The following KCNQ5 variants were observed in gnomAD, a reference collection of about 807,000 sequenced individuals.
The protein encoded by KCNQ5 is potassium voltage-gated channel subfamily Q member 5.
KCNQ5 carries 30 observed loss-of-function variants against 98.2 expected under a neutral mutation model. The ratio of observed to expected loss-of-function variants is 0.31; its 90% CI spans 0.23 to 0.41. KCNQ5 has a LOEUF of 0.41. Ranked by LOEUF, KCNQ5 falls within the 10% of genes least tolerant of loss-of-function variation. The pLI is 1.00. For synonymous variants in KCNQ5, 458 were observed against 449.4 expected (o/e 1.02, Z -0.24); for missense variants, 835 against 1,182.5 (o/e 0.71, Z 4.31).
chr6:73,153,102 C>A (rs1777220575), intron 10 of KCNQ5, among the ~76,000 whole-genome samples: 1 of 152,084 alleles, frequency 6.6e-6, no homozygotes, highest in Admixed American at 6.6e-5. Flanking sequence ...TTAGTTATCC[C>A]CTCTTTATGC....
intron 1 of KCNQ5, among the ~76,000 whole-genome samples, chr6:72,972,886 CATGTATTAGACTTCATTTTACCA>C (rs1294669264): frequency 6.6e-6 from 1 of 152,208 alleles, no homozygotes; most frequent in East Asian, 1.9e-4. Flanking sequence ...CTACACACAG[CATGTATTAGACTTCATTTTACCA>C]ATGAATAAAA....
At chr6:72,665,341 C>CAA (rs57257881) in intron 1 of KCNQ5, among the ~76,000 whole-genome samples, 58,195 of 112,574 alleles carry the variant, frequency 0.52, 15,244 homozygotes, top group Non-Finnish European at 0.63. Flanking sequence ...AATACCCTGT[C>CAA]AAAAAAAAAA....
intron 1 of KCNQ5, among the ~76,000 whole-genome samples, chr6:72,958,985 A>C (rs945166851): frequency 2.6e-5 from 4 of 152,220 alleles, no homozygotes; most frequent in African/African-American, 9.6e-5. Context: ...AGAGGTGTTT[A>C]TCTTTCTCTT....
chr6:72,915,880 A>C (rs1490577556), intron 1 of KCNQ5, among the ~76,000 whole-genome samples: 1 of 152,218 alleles, frequency 6.6e-6, no homozygotes, highest in Non-Finnish European at 1.5e-5. Flanking sequence ...TCTGGCTTGA[A>C]ATGTTAAGAT....
intron 1 of KCNQ5, among the ~76,000 whole-genome samples, chr6:72,989,638 T>A (rs1245806264): frequency 3.7e-3 from 1 of 270 alleles, no homozygotes; most frequent in Non-Finnish European, 6.0e-3. Context: ...TTTCTTTTGC[T>A]GTGCAGAAGC....
At chr6:73,111,264 G>C in intron 6 of KCNQ5, 44 bp from the exon 7 acceptor site, 2 of 1,339,916 alleles carry the variant, frequency 1.5e-6, no homozygotes, top group South Asian at 1.2e-5. Flanking sequence ...TTATTTAACA[G>C]TGCTTTTGAA....
At chr6:72,938,621 G>C (rs1247852969) in intron 1 of KCNQ5, among the ~76,000 whole-genome samples, 1 of 152,086 alleles carries the variant, frequency 6.6e-6, no homozygotes, top group African/African-American at 2.4e-5. Context: ...CTGACCTCAA[G>C]CAATCTCCCT....
intron 1 of KCNQ5, among the ~76,000 whole-genome samples, chr6:72,771,680 G>GTGTGTGTGTT (rs1425980148): frequency 1.3e-5 from 2 of 151,848 alleles, no homozygotes; most frequent in Admixed American, 1.3e-4. Flanking sequence ...GTGTGTGTGT[G>GTGTGTGTGTT]TGTGTATAAC....
At chr6:72,878,965 T>G (rs1355904277) in intron 1 of KCNQ5, among the ~76,000 whole-genome samples, 1 of 152,218 alleles carries the variant, frequency 6.6e-6, no homozygotes, top group Non-Finnish European at 1.5e-5. Context: ...TTTCTTTATA[T>G]AAATCATAAT....
intron 1 of KCNQ5, among the ~76,000 whole-genome samples, chr6:72,895,684 A>T (rs1159772240): frequency 3.4e-5 from 5 of 149,016 alleles, no homozygotes; most frequent in African/African-American, 9.8e-5. Flanking sequence ...AACATATATT[A>T]TATATATATA....
At chr6:72,739,154 G>A (rs769020315) in intron 1 of KCNQ5, among the ~76,000 whole-genome samples, 2 of 152,054 alleles carry the variant, frequency 1.3e-5, no homozygotes, top group Admixed American at 6.6e-5. Context: ...TGGAGCCACC[G>A]GGTATATGGG....
At chr6:72,812,129 G>C (rs970798133) in intron 1 of KCNQ5, among the ~76,000 whole-genome samples, 2 of 152,134 alleles carry the variant, frequency 1.3e-5, no homozygotes, top group African/African-American at 4.8e-5. Flanking sequence ...ATGACCAAAG[G>C]TCACTTTCAT....
intron 1 of KCNQ5, among the ~76,000 whole-genome samples, chr6:72,828,161 G>A (rs1562009189): frequency 1.3e-5 from 2 of 152,116 alleles, no homozygotes; most frequent in Non-Finnish European, 2.9e-5. Context: ...GACTGGTAGT[G>A]TGGTACCACC....
At chr6:72,933,656 A>T (rs952328509) in intron 1 of KCNQ5, among the ~76,000 whole-genome samples, 3 of 152,242 alleles carry the variant, frequency 2.0e-5, no homozygotes, top group African/African-American at 7.2e-5. Context: ...TCCTTAAAAA[A>T]TAAGTAAAAA....
chr6:73,166,265 T>C (rs1301638885), intron 10 of KCNQ5, among the ~76,000 whole-genome samples: 1 of 151,448 alleles, frequency 6.6e-6, no homozygotes, highest in East Asian at 2.0e-4. Flanking sequence ...ACCCCGACAC[T>C]ACTAAAAAAA....
chr6:72,636,733 A>G (rs963660097), intron 1 of KCNQ5, among the ~76,000 whole-genome samples: 2 of 152,242 alleles, frequency 1.3e-5, no homozygotes, highest in African/African-American at 2.4e-5. Flanking sequence ...GGCTTAACAT[A>G]AATAAGACAT....
intron 10 of KCNQ5, chr6:73,158,275 T>G (rs75531789): frequency 0.078 from 14,320 of 184,680 alleles, 781 homozygotes; most frequent in African/African-American, 0.087. Context: ...TTTTTTTTTT[T>G]TTTTTTTTGT....
chr6:72,819,857 T>C (rs1775673873), intron 1 of KCNQ5, among the ~76,000 whole-genome samples: 1 of 152,232 alleles, frequency 6.6e-6, no homozygotes, highest in African/African-American at 2.4e-5. Flanking sequence ...CAACAGCACC[T>C]ATTGCCACTT....
chr6:73,060,661 AC>A (rs1772738255), intron 3 of KCNQ5, among the ~76,000 whole-genome samples: 1 of 152,188 alleles, frequency 6.6e-6, no homozygotes, highest in South Asian at 2.1e-4. Flanking sequence ...GAAACTAATC[AC>A]CTTAAATTAT....
Sources: gnomAD v4.1 joint callset for allele counts (sites outside exome capture counted in the v4.1 genomes callset) on GRCh38, gnomAD v4.1.1 for gene constraint, MANE v1.5 for transcripts, NCBI Gene and HGNC (gene_info 2026-07-23, HGNC 2026-07-21) for gene names.